OLFML1: variants seen among roughly 807,000 people sequenced by gnomAD.
OLFML1 encodes olfactomedin like 1, also known as olfactomedin-like protein 1.
A neutral mutation model predicts 37.3 loss-of-function variants in OLFML1; 33 were observed. The observed-to-expected ratio is 0.88, with a 90% CI of 0.67 to 1.18. The LOEUF (loss-of-function observed/expected upper bound fraction) is 1.18. Ranked by LOEUF, OLFML1 falls within the 50% of genes most tolerant of loss-of-function variation. OLFML1 has a pLI of 0.00. For synonymous variants in OLFML1, 186 were observed against 181.3 expected (o/e 1.03, Z -0.21); for missense variants, 545 against 483.7 (o/e 1.13, Z -1.19).
In OLFML1 at chr11:7,509,861, C is replaced by T. The variant is rs1848837458; in HGVS notation, c.882C>T (p.Leu294=). ...SGPGTHSHLV[L]TKIEPGTLGV... ...CAGGCACCCATAGCCATTTGGTTCT[C>T]ACAAAGATTGAGCCGGGCACACTGG... Residue 294 remains leucine, a synonymous_variant, in exon 3 of 3, where the codon CTC becomes CTT. Transcript: ENST00000329293. 1.9e-6 allele frequency: 3 copies of T among 1,614,116 alleles called. No homozygotes were observed. Among genetic ancestry groups the T allele is most frequent in the East Asian group, 2.2e-5 (1 of 44,898 alleles).
At chr11:7,487,224 G>A (rs545043316) in intron 1 of OLFML1, among the ~76,000 whole-genome samples, 1 of 152,360 alleles carries the variant, frequency 6.6e-6, no homozygotes, top group South Asian at 2.1e-4. Context: ...GACCTGAGGT[G>A]AAGCCAAGTC....
At chr11:7,509,076 A>G (rs188969518) in intron 2 of OLFML1, among the ~76,000 whole-genome samples, 6 of 152,350 alleles carry the variant, frequency 3.9e-5, no homozygotes, top group African/African-American at 1.4e-4. Context: ...CAATTGATCT[A>G]TATCCAATAA....
chr11:7,498,221 C>T (rs1462604903), intron 2 of OLFML1, among the ~76,000 whole-genome samples: 2 of 152,220 alleles, frequency 1.3e-5, no homozygotes, highest in African/African-American at 4.8e-5. Context: ...AGGGGTTGCA[C>T]AGAATGCTTT....
intron 2 of OLFML1, among the ~76,000 whole-genome samples, chr11:7,494,263 C>T (rs563191032): frequency 3.3e-5 from 5 of 152,314 alleles, no homozygotes; most frequent in African/African-American, 1.2e-4. Flanking sequence ...ATGAAAGAAC[C>T]AGACATGAGC....
In OLFML1 at chr11:7,488,887, T is replaced by G. The variant is rs142404307; in HGVS notation, c.418+472T>G. ...GTGAATCACTATTGTGTGTGCTGTC[T>G]GAGATGGTGATATGCATGGGATGTG... On this transcript the variant is annotated intron_variant, in intron 2 of 2. Coordinates refer to ENST00000329293, the MANE Select transcript of OLFML1 (RefSeq NM_198474.4). The G allele has an allele frequency of 4.9e-3, 760 of 155,388 alleles. 8 individuals are homozygous for G. The highest frequency in any genetic ancestry group is 0.017 in the African/African-American group (709 of 41,596). 9.6% of individuals were successfully genotyped at this position (155,388 alleles called of 1,614,324 possible).
At chr11:7,495,691 G>T (rs1393110091) in intron 2 of OLFML1, among the ~76,000 whole-genome samples, 1 of 152,160 alleles carries the variant, frequency 6.6e-6, no homozygotes, top group Non-Finnish European at 1.5e-5. Context: ...TGACCTGAAG[G>T]AATCGTTTAT....
chr11:7,500,453 G>T (rs1432486890), intron 2 of OLFML1, among the ~76,000 whole-genome samples: 1 of 152,080 alleles, frequency 6.6e-6, no homozygotes. Context: ...ACGTCACCAT[G>T]CCCTTGGGGC....
chr11:7,510,272 T>C lies in OLFML1; in HGVS notation c.*84T>C, dbSNP rs1359620802. Reference sequence around the variant, plus strand: ...AGGCTATAGCCCCTTCACAATATAGTATCCCTCTAATCACACACAGGAAGA... The same window carrying C: ...AGGCTATAGCCCCTTCACAATATAGCATCCCTCTAATCACACACAGGAAGA... On this transcript the variant is annotated 3_prime_UTR_variant, in exon 3 of 3. Coordinates refer to ENST00000329293, the MANE Select transcript of OLFML1 (RefSeq NM_198474.4). 1.9e-6 allele frequency: 2 copies of C among 1,065,650 alleles called. No homozygotes were observed. The highest frequency in any genetic ancestry group is 1.6e-5 in the South Asian group (1 of 62,530). 66.0% of individuals were successfully genotyped at this position (1,065,650 alleles called of 1,614,324 possible). A position where few individuals can be genotyped will look rare whatever the true frequency, so the allele number is the denominator to read the frequency against.
In OLFML1 at chr11:7,493,130, G is replaced by A. The variant is rs77439289; in HGVS notation, c.418+4715G>A. On this transcript the variant is annotated intron_variant, in intron 2 of 2. Transcript: ENST00000329293. ...TATAGCAGATTTTATTTTATTTCCT[G>A]TTGTCGTCCAGTTCCTTTTATTGCA... 4.9e-4 allele frequency among the ~76,000 whole-genome samples: 74 copies of A among 152,254 alleles called. No homozygotes were observed. The East Asian group carries it at 0.012, about 24-fold the overall frequency.
intron 2 of OLFML1, among the ~76,000 whole-genome samples, chr11:7,494,818 C>T (rs1848641413): frequency 6.6e-6 from 1 of 152,178 alleles, no homozygotes; most frequent in African/African-American, 2.4e-5. Flanking sequence ...CTAGCTGTTC[C>T]TGATCTTATC....
At chr11:7,502,734 T>C (rs1278215513) in intron 2 of OLFML1, among the ~76,000 whole-genome samples, 1 of 152,084 alleles carries the variant, frequency 6.6e-6, no homozygotes, top group East Asian at 1.9e-4. Context: ...GCCTCCCAAG[T>C]AGCTGCGATT....
At chr11:7,502,456 A>AT (rs35863605) in intron 2 of OLFML1, among the ~76,000 whole-genome samples, 90,487 of 151,998 alleles carry the variant, frequency 0.6, 27,253 homozygotes, top group African/African-American at 0.61. Context: ...GTAAGTAAGA[A>AT]AAAATCAGGG....
In OLFML1 at chr11:7,510,510, C is replaced by T. The variant is rs542865632; in HGVS notation, c.*322C>T. 8.8e-5 allele frequency: 21 copies of T among 237,740 alleles called. 1 individual carries two copies. The East Asian group carries it at 1.8e-3, about 21-fold the overall frequency. 14.7% of individuals were successfully genotyped at this position (237,740 alleles called of 1,614,324 possible). A position where few individuals can be genotyped will look rare whatever the true frequency, so the allele number is the denominator to read the frequency against. On this transcript the variant is annotated 3_prime_UTR_variant, in exon 3 of 3. Coordinates refer to ENST00000329293, the MANE Select transcript of OLFML1 (RefSeq NM_198474.4). Reference sequence around the variant, plus strand: ...TCCCCAGCATTTACTGTAACTCTGCCATCTTCCCTCCCACAATTAGAGTTG... The same window carrying T: ...TCCCCAGCATTTACTGTAACTCTGCTATCTTCCCTCCCACAATTAGAGTTG...
intron 2 of OLFML1, among the ~76,000 whole-genome samples, chr11:7,498,558 A>C (rs905131668): frequency 3.9e-5 from 6 of 152,178 alleles, no homozygotes; most frequent in African/African-American, 1.4e-4. Context: ...AACTGACTAC[A>C]AGTCTGAGAG....
At chr11:7,494,804 A>T (rs992704862) in intron 2 of OLFML1, among the ~76,000 whole-genome samples, 1 of 152,160 alleles carries the variant, frequency 6.6e-6, no homozygotes, top group Non-Finnish European at 1.5e-5. Context: ...TGGGCCCAGA[A>T]GTTCTAGCTG....
In OLFML1 at chr11:7,500,581, CT is replaced by C. The variant is rs147001798; in HGVS notation, c.419-8816del. 3.1e-3 allele frequency among the ~76,000 whole-genome samples: 467 copies of C among 152,258 alleles called. 2 individuals are homozygous for C. The highest frequency in any genetic ancestry group is 0.011 in the African/African-American group (450 of 41,532). ...TAACTTATACAAGCCTTAATGTTTC[CT>C]CATTTGGAAAATGGGGATTAAAATA... On this transcript the variant is annotated intron_variant, in intron 2 of 2. Transcript: ENST00000329293.
At chr11:7,492,172 T>C (rs1212286491) in intron 2 of OLFML1, among the ~76,000 whole-genome samples, 4 of 152,136 alleles carry the variant, frequency 2.6e-5, no homozygotes, top group Admixed American at 1.3e-4. Context: ...TTTAGTCTGA[T>C]AGGCTCAGCT....
chr11:7,501,699 A>C (rs1848727041), intron 2 of OLFML1, among the ~76,000 whole-genome samples: 1 of 152,240 alleles, frequency 6.6e-6, no homozygotes, highest in Admixed American at 6.5e-5. Flanking sequence ...TAATGGAATA[A>C]TGGGTTTGAA....
chr11:7,490,861 C>T (rs1024739005), intron 2 of OLFML1, among the ~76,000 whole-genome samples: 2 of 152,110 alleles, frequency 1.3e-5, no homozygotes, highest in African/African-American at 2.4e-5. Context: ...CCACAGTCTG[C>T]CTCCTGTCAT....
Sources: allele counts gnomAD v4.1 joint callset (sites outside exome capture counted in the v4.1 genomes callset), GRCh38; gene constraint gnomAD v4.1.1; transcripts MANE v1.5; gene names NCBI Gene and HGNC (gene_info 2026-07-23, HGNC 2026-07-21).